The following GALNS variants were observed in gnomAD, a reference collection of about 807,000 sequenced individuals.
The protein encoded by GALNS is galactosamine (N-acetyl)-6-sulfatase.
In GALNS, 65 loss-of-function variants were observed where a neutral mutation model predicts 65.9. The observed-to-expected ratio is 0.99, with a 90% confidence interval of 0.81 to 1.21. GALNS has a LOEUF of 1.21. Ranked by LOEUF, GALNS falls within the 50% of genes most tolerant of loss-of-function variation. The pLI is 0.00. For synonymous variants in GALNS, 346 were observed against 288.9 expected (o/e 1.20, Z -2.00); for missense variants, 776 against 700.7 (o/e 1.11, Z -1.21).
rs77515872 is a variant in GALNS, at chr16:88,837,436, A to G, written c.566+186T>C. On this transcript the variant is annotated intron_variant, in intron 5 of 13. Transcript: ENST00000268695. ...GTGGGAAACCCCAGGCAGGAGTCTC[A>G]TAGGCTCTGGGGCAAAACTTGGTGG... Among the ~76,000 whole-genome samples, 1,471 of 152,318 alleles carry G rather than the reference A, an allele frequency of 9.7e-3. 23 individuals are homozygous for G. The highest frequency in any genetic ancestry group is 0.033 in the African/African-American group (1,384 of 41,558).
At chr16:88,825,083 C>G (rs1364096389) in intron 10 of GALNS, among the ~76,000 whole-genome samples, 3 of 129,324 alleles carry the variant, frequency 2.3e-5, no homozygotes, top group Non-Finnish European at 5.0e-5. Flanking sequence ...GTGGCCAGGG[C>G]TGGGGTGACT....
At chr16:88,845,827 A>G (rs1415286281) in intron 1 of GALNS, among the ~76,000 whole-genome samples, 1 of 138,562 alleles carries the variant, frequency 7.2e-6, no homozygotes, top group Non-Finnish European at 1.6e-5. Flanking sequence ...CTCCAACTCT[A>G]AAAAAAAAAA....
At chr16:88,836,304 T>C in intron 5 of GALNS, 37 bp from the exon 6 acceptor site, 2 of 1,554,854 alleles carry the variant, frequency 1.3e-6, no homozygotes, top group Non-Finnish European at 1.8e-6. Context: ...CTTCAGAATT[T>C]AGGCCAAGAA....
intron 13 of GALNS, 109 bp downstream of exon 13, chr16:88,817,898 G>T: frequency 1.1e-6 from 1 of 947,362 alleles, no homozygotes; most frequent in Non-Finnish European, 1.6e-6. Flanking sequence ...TGACGGAGGC[G>T]GGGAAGCACG....
chr16:88,847,915 G>A lies in GALNS; in HGVS notation c.121-5086C>T, dbSNP rs1038116849. On this transcript the variant is annotated intron_variant, in intron 1 of 13. Transcript: ENST00000268695. ...CATGAACCAACACCCACAGCGGCTC[G>A]CTCCCTGGCAGCCAAGCTGGAAACA... Among the ~76,000 whole-genome samples the A allele has an allele frequency of 4.6e-5, 7 of 152,320 alleles. No homozygotes were observed. The East Asian group carries it at 5.8e-4, about 13-fold the overall frequency.
chr16:88,818,852 C>T (rs1286642275), intron 12 of GALNS, among the ~76,000 whole-genome samples: 1 of 152,212 alleles, frequency 6.6e-6, no homozygotes, highest in African/African-American at 2.4e-5. Context: ...GGAACTTCTG[C>T]GAGTGTGGCT....
intron 9 of GALNS, 150 bp downstream of exon 9, chr16:88,831,848 C>G: frequency 1.5e-6 from 1 of 687,214 alleles, no homozygotes; most frequent in Non-Finnish European, 2.6e-6. Context: ...GCATGGGGTG[C>G]GTGGAGGCTG....
Position 88,832,093 on chromosome 16 carries a change from T to C in GALNS, c.907A>G (p.Asn303Asp). The C allele has an allele frequency of 6.2e-7, 1 of 1,613,714 alleles. No individual in the cohort carries two copies. Among genetic ancestry groups the C allele is most frequent in the Non-Finnish European group, 8.5e-7 (1 of 1,179,856 alleles). ...LISAPEQGGS[N>D]GPFLCGKQTT... ...TGCTTCCCACACAGAAAGGGGCCGT[T>C]GCTGCCACCTGGGAGAGAGGGGCCC... Residue 303 changes from asparagine to aspartate, a missense_variant, in exon 9 of 14, where the codon AAC becomes GAC. Physicochemically the swap from Asn to Asp is conservative, Grantham distance 23. Transcript: ENST00000268695.
chr16:88,841,818 G>A (rs989758810), intron 3 of GALNS, 79 bp downstream of exon 3: 68 of 1,311,224 alleles, frequency 5.2e-5, no homozygotes, highest in African/African-American at 5.8e-5. Flanking sequence ...CCCGAGTCCC[G>A]GAGACACGGG....
intron 13 of GALNS, chr16:88,815,407 A>ACGCG (rs1322032158): frequency 3.0e-6 from 3 of 985,312 alleles, no homozygotes; most frequent in Non-Finnish European, 3.6e-6. Flanking sequence ...GCCAGTCCCT[A>ACGCG]CTGCGCTGCT....
At chr16:88,853,979 G>A (rs1483140413) in intron 1 of GALNS, among the ~76,000 whole-genome samples, 1 of 152,194 alleles carries the variant, frequency 6.6e-6, no homozygotes, top group Non-Finnish European at 1.5e-5. Flanking sequence ...GCCATGAGGG[G>A]TGCAATAAGC....
At chr16:88,843,313 G>A (rs1967074944) in intron 1 of GALNS, 2 of 817,520 alleles carry the variant, frequency 2.4e-6, no homozygotes, top group South Asian at 1.6e-5. Flanking sequence ...GCAGTTCCAC[G>A]CTGCAACTCC....
In GALNS at chr16:88,848,468, C is replaced by T. The variant is rs113564282; in HGVS notation, c.121-5639G>A. Among the ~76,000 whole-genome samples the T allele has an allele frequency of 3.6e-3, 550 of 151,652 alleles. 2 individuals carry two copies. Among genetic ancestry groups the T allele is most frequent in the African/African-American group, 0.013 (516 of 41,244 alleles). ...CTAACACAGTGAAACCCCGTCTCTACCAAAAATACAAAAAATTAGCCAGGC... is the reference window on the plus strand; with the variant it reads ...CTAACACAGTGAAACCCCGTCTCTATCAAAAATACAAAAAATTAGCCAGGC... On this transcript the variant is annotated intron_variant, in intron 1 of 13. Transcript: ENST00000268695.
At chr16:88,855,207 C>T (rs1199323369) in intron 1 of GALNS, 7 of 692,522 alleles carry the variant, frequency 1.0e-5, no homozygotes, top group Non-Finnish European at 1.6e-5. Context: ...AAAAATTATT[C>T]ATGAGCTGCC....
At chr16:88,828,985 G>A (rs1014567499) in intron 9 of GALNS, among the ~76,000 whole-genome samples, 4 of 150,186 alleles carry the variant, frequency 2.7e-5, no homozygotes, top group Admixed American at 6.6e-5. Context: ...ACCTACGCGG[G>A]TCCCGGGTCT....
At chr16:88,844,445 C>CCGTCT (rs1386607581) in intron 1 of GALNS, 1 of 152,234 alleles carries the variant, frequency 6.6e-6, no homozygotes, top group African/African-American at 2.4e-5. Flanking sequence ...GATCCTCCAG[C>CCGTCT]CGTCTCCCTG....
Position 88,837,745 on chromosome 16 carries a change from T to A in GALNS, c.443A>T (p.Gln148Leu), listed in dbSNP as rs1767368234. 1 of 1,613,964 alleles carries A rather than the reference T, an allele frequency of 6.2e-7. No homozygotes were observed. Among genetic ancestry groups the A allele is most frequent in the Non-Finnish European group, 8.5e-7 (1 of 1,180,004 alleles). The change falls in exon 5 of 14, where the codon CAG becomes CTG. Residue 148 changes from glutamine (Q) to leucine (L), a missense_variant. By Grantham distance (113) the Gln-to-Leu change is moderately radical (BLOSUM62 -2). Transcript: ENST00000268695. ...AAATCCGTGCTTCAGGGGGTGGAAC[T>A]GGGGCCTGTGACCCAGATGCCTGGA... Reference protein sequence around the residue: ...VGKWHLGHRPQFHPLKHGFDE... With the variant: ...VGKWHLGHRPLFHPLKHGFDE...
Position 88,840,687 on chromosome 16 carries a change from G to A in GALNS, c.422+305C>T, listed in dbSNP as rs569385239. 2.0e-5 allele frequency: 9 copies of A among 443,108 alleles called. No homozygotes were observed. The East Asian group carries it at 3.8e-4, about 19-fold the overall frequency. The allele number at this position is 443,108 out of a possible 1,614,324, so 27.4% of individuals were successfully genotyped here. ...TCCAAGGACGACGTGGCAGGAGGCA[G>A]CCGGGGGGCAGTGGTGGCGGGTGCT... On this transcript the variant is annotated intron_variant, in intron 4 of 13. Coordinates refer to ENST00000268695, the MANE Select transcript of GALNS (RefSeq NM_000512.5).
At chr16:88,840,448 A>G (rs1031966694) in intron 4 of GALNS, 13 of 183,032 alleles carry the variant, frequency 7.1e-5, no homozygotes, top group South Asian at 7.1e-4. Context: ...AGGGAGTAAA[A>G]GAAATGAAAC....
Sources: gnomAD v4.1 joint callset for allele counts (sites outside exome capture counted in the v4.1 genomes callset) on GRCh38, gnomAD v4.1.1 for gene constraint, MANE v1.5 for transcripts, NCBI Gene and HGNC (gene_info 2026-07-23, HGNC 2026-07-21) for gene names.